SGCE: variants seen among roughly 807,000 people sequenced by gnomAD.
The protein encoded by SGCE is sarcoglycan epsilon, also known as epsilon-sarcoglycan.
In SGCE, 26 loss-of-function variants were observed where a neutral mutation model predicts 57.8. The ratio of observed to expected loss-of-function variants is 0.45; its 90% CI spans 0.33 to 0.62. The LOEUF (loss-of-function observed/expected upper bound fraction) is 0.62. SGCE is among the 20% of genes least tolerant of loss of function. The pLI is 0.02. For missense variants in SGCE, 468 were observed against 548.6 expected (o/e 0.85, Z 1.47); for synonymous variants, 183 against 189.5 (o/e 0.97, Z 0.28).
At chr7:94,648,363 A>T (rs1807397275) in intron 1 of SGCE, among the ~76,000 whole-genome samples, 2 of 137,546 alleles carry the variant, frequency 1.5e-5, no homozygotes, top group African/African-American at 2.8e-5. Context: ...CAACAAGAAC[A>T]AAACTCTGTC....
intron 9 of SGCE, among the ~76,000 whole-genome samples, chr7:94,596,981 G>C (rs962960855): frequency 1.3e-5 from 2 of 151,868 alleles, no homozygotes; most frequent in African/African-American, 2.4e-5. Context: ...AAAGGGATAA[G>C]AGGTTGTTAA....
intron 1 of SGCE, among the ~76,000 whole-genome samples, chr7:94,639,877 A>G (rs911837793): frequency 6.6e-6 from 1 of 152,172 alleles, no homozygotes; most frequent in African/African-American, 2.4e-5. Flanking sequence ...TTTTCCTCAC[A>G]CTGGCAGCAA....
intron 2 of SGCE, chr7:94,628,596 T>G (rs1804145824): frequency 2.0e-6 from 1 of 495,374 alleles, no homozygotes; most frequent in Admixed American, 3.3e-5. Flanking sequence ...TCATACAATT[T>G]TCTTGGAAAT....
At chr7:94,625,755 A>G (rs1803619627) in intron 3 of SGCE, 1 of 152,084 alleles carries the variant, frequency 6.6e-6, no homozygotes, top group African/African-American at 2.4e-5. Context: ...TCACTGTGTG[A>G]ATACACCAAG....
At chr7:94,602,485 A>C (rs568448319) in intron 6 of SGCE, among the ~76,000 whole-genome samples, 1 of 152,282 alleles carries the variant, frequency 6.6e-6, no homozygotes, top group South Asian at 2.1e-4. Context: ...CTTTAAACTT[A>C]GATCTAATTC....
chr7:94,622,486 G>A (rs779863911), intron 4 of SGCE: 1 of 152,064 alleles, frequency 6.6e-6, no homozygotes, highest in Non-Finnish European at 1.5e-5. Flanking sequence ...AAAATTAGCC[G>A]GGTGTGGTGG....
chr7:94,656,112 A>G lies in SGCE; in HGVS notation c.-14T>C. ...GGGCAATTGCATTCTTGGCCTGGCTAGGCCGTCCGTCCTCGATTCTCCCCT... is the reference window on the plus strand; with the variant it reads ...GGGCAATTGCATTCTTGGCCTGGCTGGGCCGTCCGTCCTCGATTCTCCCCT... On this transcript the variant is annotated 5_prime_UTR_variant, in exon 1 of 11. Coordinates refer to ENST00000648936, the MANE Select transcript of SGCE (RefSeq NM_003919.3). 1 of 1,525,852 alleles carries G rather than the reference A, an allele frequency of 6.6e-7. No individual in the cohort carries two copies. The highest frequency in any genetic ancestry group is 1.1e-5 in the South Asian group (1 of 89,104). 94.5% of individuals were successfully genotyped at this position (1,525,852 alleles called of 1,614,324 possible).
At chr7:94,616,105 T>C (rs1461023085) in intron 5 of SGCE, among the ~76,000 whole-genome samples, 1 of 152,056 alleles carries the variant, frequency 6.6e-6, no homozygotes. Context: ...TCTGCAGAGA[T>C]TAAAAAAAAT....
At position 94,623,413 on chromosome 7, in the gene SGCE, A is replaced by G; in HGVS notation, c.391-16T>C. On this transcript the variant is annotated splice_polypyrimidine_tract_variant and intron_variant, in intron 3 of 10. Coordinates refer to ENST00000648936, the MANE Select transcript of SGCE (RefSeq NM_003919.3). ...AGGCAGTTATCTATTATAAAAGGAA[A>G]ACCATATTAAAGAAGTGAAATGTTC... 10 of 1,514,580 alleles carry G rather than the reference A, an allele frequency of 6.6e-6. No homozygotes were observed. The highest frequency in any genetic ancestry group is 9.2e-6 in the Non-Finnish European group (10 of 1,092,652). 93.8% of individuals were successfully genotyped at this position (1,514,580 alleles called of 1,614,324 possible).
chr7:94,611,410 A>T (rs1177116825), intron 5 of SGCE, among the ~76,000 whole-genome samples: 2 of 151,956 alleles, frequency 1.3e-5, no homozygotes, highest in Non-Finnish European at 2.9e-5. Flanking sequence ...CATATTATAT[A>T]ATTCCATTTA....
intron 9 of SGCE, among the ~76,000 whole-genome samples, chr7:94,591,373 T>C (rs1481456474): frequency 6.6e-6 from 1 of 152,128 alleles, no homozygotes; most frequent in Non-Finnish European, 1.5e-5. Context: ...CAGTGCACCT[T>C]CTACACATAG....
intron 1 of SGCE, among the ~76,000 whole-genome samples, chr7:94,645,360 C>G (rs1806914387): frequency 6.6e-6 from 1 of 152,068 alleles, no homozygotes; most frequent in Non-Finnish European, 1.5e-5. Flanking sequence ...ATCTCATGCA[C>G]TATGGGCACC....
At chr7:94,642,344 C>T (rs2037496) in intron 1 of SGCE, among the ~76,000 whole-genome samples, 18,597 of 152,084 alleles carry the variant, frequency 0.12, 1,460 homozygotes, top group South Asian at 0.25. Flanking sequence ...AAAACAGGAT[C>T]AGAAATGCTA....
intron 1 of SGCE, among the ~76,000 whole-genome samples, chr7:94,649,174 T>C (rs1039030676): frequency 1.1e-4 from 17 of 152,218 alleles, no homozygotes; most frequent in Non-Finnish European, 2.1e-4. Context: ...GTGCTAAACA[T>C]GCGTGGTTTT....
chr7:94,607,095 GA>G (rs916993497), intron 5 of SGCE, among the ~76,000 whole-genome samples: 17 of 146,670 alleles, frequency 1.2e-4, no homozygotes, highest in East Asian at 4.0e-4. Context: ...GTAAGCAGAA[GA>G]AAAAAAAAAT....
At chr7:94,615,379 TAG>T (rs1801744960) in intron 5 of SGCE, among the ~76,000 whole-genome samples, 3 of 135,176 alleles carry the variant, frequency 2.2e-5, no homozygotes, top group African/African-American at 8.5e-5. Context: ...GATAGATAGA[TAG>T]ATAGATAGAT....
intron 9 of SGCE, among the ~76,000 whole-genome samples, chr7:94,595,230 T>G (rs953243938): frequency 2.0e-5 from 3 of 152,174 alleles, no homozygotes; most frequent in African/African-American, 4.8e-5. Flanking sequence ...TTGATAATGG[T>G]GGCAGCCATT....
chr7:94,649,901 A>G (rs1308957737), intron 1 of SGCE, among the ~76,000 whole-genome samples: 3 of 152,246 alleles, frequency 2.0e-5, no homozygotes, highest in African/African-American at 4.8e-5. Flanking sequence ...GCAAGAACTA[A>G]TAACTCCAGG....
intron 5 of SGCE, among the ~76,000 whole-genome samples, chr7:94,605,570 G>A (rs1799990839): frequency 6.6e-6 from 1 of 152,038 alleles, no homozygotes; most frequent in South Asian, 2.1e-4. Flanking sequence ...TAAGATACCT[G>A]CAATACCTAG....
Sources: allele counts gnomAD v4.1 joint callset (sites outside exome capture counted in the v4.1 genomes callset), GRCh38; gene constraint gnomAD v4.1.1; transcripts MANE v1.5; gene names NCBI Gene and HGNC (gene_info 2026-07-23, HGNC 2026-07-21).